Variants in NRG1 observed in about 807,000 individuals in gnomAD.
NRG1 encodes pro-neuregulin-1, membrane-bound isoform.
In NRG1, 18 loss-of-function variants were observed where a neutral mutation model predicts 63.8. The ratio of observed to expected loss-of-function variants is 0.28; its 90% confidence interval spans 0.19 to 0.42. The LOEUF (loss-of-function observed/expected upper bound fraction) is 0.42, where lower values mean the gene tolerates loss of function less well. Ranked by LOEUF, NRG1 falls within the 10% of genes least tolerant of loss-of-function variation. The pLI is 1.00. For synonymous variants in NRG1, 302 were observed against 301.3 expected, an observed-to-expected ratio of 1.00 and a Z score of -0.02; for missense variants, 762 against 814.7, an observed-to-expected ratio of 0.94 and a Z score of 0.79.
chr8:32,401,262 A>G (rs1481928142), intron 1 of NRG1, among the ~76,000 whole-genome samples: 1 of 152,184 alleles, frequency 6.6e-6, no homozygotes, highest in African/African-American at 2.4e-5. Flanking sequence ...TTACCAATAT[A>G]ACAAACCAGC....
intron 1 of NRG1, among the ~76,000 whole-genome samples, chr8:32,509,593 C>G (rs1828937010): frequency 6.6e-6 from 1 of 152,090 alleles, no homozygotes; most frequent in African/African-American, 2.4e-5. Flanking sequence ...GGGGAAGAGT[C>G]AAAGGTGACA....
At chr8:31,832,320 A>T (rs1442219421) in intron 1 of NRG1, among the ~76,000 whole-genome samples, 2 of 148,404 alleles carry the variant, frequency 1.3e-5, no homozygotes, top group African/African-American at 5.0e-5. Flanking sequence ...GTGCAGCAGC[A>T]TGATCATGGC....
chr8:31,658,586 C>T (rs1347660250), intron 1 of NRG1, among the ~76,000 whole-genome samples: 2 of 152,158 alleles, frequency 1.3e-5, no homozygotes, highest in Non-Finnish European at 2.9e-5. Flanking sequence ...CCTCAGCCTC[C>T]CGGGTAGCTG....
At chr8:32,563,466 AT>A (rs1836838113) in intron 1 of NRG1, among the ~76,000 whole-genome samples, 1 of 152,206 alleles carries the variant, frequency 6.6e-6, no homozygotes, top group Admixed American at 6.5e-5. Context: ...TGGTAAGTAT[AT>A]TTGGGAATTA....
At chr8:31,960,637 G>A (rs555977025) in intron 1 of NRG1, among the ~76,000 whole-genome samples, 8 of 152,170 alleles carry the variant, frequency 5.3e-5, no homozygotes, top group Non-Finnish European at 1.2e-4. Flanking sequence ...AGTCTACGGA[G>A]CTACTTTTGG....
At chr8:32,670,965 C>T (rs966025671) in intron 5 of NRG1, among the ~76,000 whole-genome samples, 1 of 152,104 alleles carries the variant, frequency 6.6e-6, no homozygotes, top group Non-Finnish European at 1.5e-5. Flanking sequence ...TAAAATCACA[C>T]ATCTCACATT....
chr8:31,857,383 C>T (rs565409124), intron 1 of NRG1, among the ~76,000 whole-genome samples: 52 of 152,330 alleles, frequency 3.4e-4, no homozygotes, highest in African/African-American at 9.4e-4. Flanking sequence ...TTCCAGGTGC[C>T]GTCTGTCACC....
chr8:31,736,199 A>G (rs1814646981), intron 1 of NRG1, among the ~76,000 whole-genome samples: 1 of 152,128 alleles, frequency 6.6e-6, no homozygotes, highest in Non-Finnish European at 1.5e-5. Context: ...TAGGGGCATC[A>G]CTGATGTTTC....
intron 7 of NRG1, among the ~76,000 whole-genome samples, chr8:32,746,884 T>G (rs1022554579): frequency 6.9e-5 from 10 of 145,676 alleles, no homozygotes; most frequent in African/African-American, 2.6e-4. Context: ...TTTTTTTTTT[T>G]GACTTACAAT....
At chr8:32,210,804 T>G (rs2132388547) in intron 1 of NRG1, among the ~76,000 whole-genome samples, 2 of 152,358 alleles carry the variant, frequency 1.3e-5, no homozygotes, top group South Asian at 4.1e-4. Context: ...CTTGTTGGGC[T>G]TAGCTTTATC....
intron 1 of NRG1, among the ~76,000 whole-genome samples, chr8:32,100,456 T>C (rs1270658088): frequency 6.6e-6 from 1 of 152,194 alleles, no homozygotes; most frequent in African/African-American, 2.4e-5. Flanking sequence ...TTGGGCTTAG[T>C]AATTGGCAGA....
rs114516717 is a variant in NRG1 at position 31,860,383 on chromosome 8, C to T, written c.37+220952C>T. Among the ~76,000 whole-genome samples the T allele has an allele frequency of 8.4e-3, 1,279 of 152,174 alleles. 18 individuals are homozygous for T. Among genetic ancestry groups the T allele is most frequent in the African/African-American group, 0.029 (1,194 of 41,504 alleles). On this transcript the variant is annotated intron_variant, in intron 1 of 10. Transcript: ENST00000519301. The stretch of plus-strand genomic sequence containing the variant: ...GCAGTTTTGTGCAGCAAAATAGTTC[C>T]GTGGAGCAGAATTAGATCATGAAAA...
In NRG1 at chr8:32,415,840, G is replaced by T. The variant is rs367669446; in HGVS notation, c.38-179988G>T. Among the ~76,000 whole-genome samples the T allele has an allele frequency of 6.6e-5, 10 of 152,192 alleles. No homozygotes were observed. The East Asian group carries it at 1.9e-3, about 29-fold the overall frequency. On this transcript the variant is annotated intron_variant, in intron 1 of 10. Coordinates refer to the NRG1 transcript ENST00000519301. ...TAGTTTTCACCCTATTGAAAATCAT[G>T]GCTGGCCAAGTACATGTTAACAGGA...
chr8:31,793,454 A>T (rs1820905408), intron 1 of NRG1, among the ~76,000 whole-genome samples: 1 of 152,226 alleles, frequency 6.6e-6, no homozygotes, highest in Admixed American at 6.5e-5. Context: ...CAAACTGTTA[A>T]TAACTATTTT....
chr8:31,826,783 A>G (rs567981973), intron 1 of NRG1, among the ~76,000 whole-genome samples: 15 of 152,318 alleles, frequency 9.8e-5, no homozygotes, highest in Admixed American at 1.3e-4. Flanking sequence ...CAGCCCTCAA[A>G]TAGCCTCTTT....
At chr8:32,384,046 G>A (rs1810687034) in intron 1 of NRG1, among the ~76,000 whole-genome samples, 1 of 152,100 alleles carries the variant, frequency 6.6e-6, no homozygotes, top group Non-Finnish European at 1.5e-5. Flanking sequence ...ATCAGACTAG[G>A]CAACATAGGG....
At chr8:32,498,541 G>A (rs1038045576) in intron 1 of NRG1, among the ~76,000 whole-genome samples, 17 of 152,054 alleles carry the variant, frequency 1.1e-4, no homozygotes, top group African/African-American at 2.4e-4. Flanking sequence ...ACTCACTATC[G>A]TGAGAACTCA....
At chr8:32,510,041 A>G (rs1356898027) in intron 1 of NRG1, among the ~76,000 whole-genome samples, 1 of 151,754 alleles carries the variant, frequency 6.6e-6, no homozygotes, top group Non-Finnish European at 1.5e-5. Flanking sequence ...ATTCTTAACT[A>G]GTGGAAAAAA....
At chr8:32,197,023 G>C (rs1405780485) in intron 1 of NRG1, among the ~76,000 whole-genome samples, 1 of 135,670 alleles carries the variant, frequency 7.4e-6, no homozygotes, top group Non-Finnish European at 1.5e-5. Flanking sequence ...GCAGTGGCGC[G>C]ATCTTGGCTC....
Sources: allele counts gnomAD v4.1 joint callset (sites outside exome capture counted in the v4.1 genomes callset), GRCh38; gene constraint gnomAD v4.1.1; transcripts MANE v1.5; gene names NCBI Gene and HGNC (gene_info 2026-07-23, HGNC 2026-07-21).